Variants in USP34 observed in about 807,000 individuals in gnomAD.
The protein encoded by USP34 is ubiquitin specific peptidase 34, also known as ubiquitin carboxyl-terminal hydrolase 34.
In USP34, 70 loss-of-function variants were observed where a neutral mutation model predicts 460.3. The ratio of observed to expected loss-of-function variants is 0.15; its 90% confidence interval spans 0.13 to 0.19. The LOEUF (loss-of-function observed/expected upper bound fraction) is 0.19, where lower values mean the gene tolerates loss of function less well. Among genes scored for constraint, USP34 ranks in the 10% least tolerant of loss-of-function variants. USP34 has a pLI of 1.00. For missense variants in USP34, 3,985 were observed against 4,236.2 expected (o/e 0.94, Z 1.65); for synonymous variants, 1,647 against 1,405.3 (o/e 1.17, Z -3.85).
chr2:61,203,054 A>T (rs1687020400), intron 75 of USP34, 86 bp downstream of exon 75: 1 of 1,307,792 alleles, frequency 7.6e-7, no homozygotes, highest in Non-Finnish European at 1.0e-6. Context: ...GAAAAAAAGG[A>T]TTGTCTCATA....
At chr2:61,270,608 G>A (rs1056968495) in intron 41 of USP34, among the ~76,000 whole-genome samples, 10 of 151,996 alleles carry the variant, frequency 6.6e-5, no homozygotes, top group Non-Finnish European at 1.0e-4. Flanking sequence ...GCTAATTTTT[G>A]TATTTTTAGT....
At chr2:61,282,926 C>G (rs914740025) in intron 37 of USP34, among the ~76,000 whole-genome samples, 1 of 152,064 alleles carries the variant, frequency 6.6e-6, no homozygotes, top group Non-Finnish European at 1.5e-5. Flanking sequence ...ATTCTATAAA[C>G]ATTTCAGAAA....
At chr2:61,450,126 A>G (rs1695228997) in intron 1 of USP34, among the ~76,000 whole-genome samples, 1 of 152,080 alleles carries the variant, frequency 6.6e-6, no homozygotes, top group African/African-American at 2.4e-5. Flanking sequence ...AAGTACTGGC[A>G]TATGCTACAA....
At chr2:61,427,989 C>T (rs1694560166) in intron 1 of USP34, among the ~76,000 whole-genome samples, 1 of 151,718 alleles carries the variant, frequency 6.6e-6, no homozygotes, top group South Asian at 2.1e-4. Flanking sequence ...ATGGTGAAAC[C>T]CCGTCTCTAC....
chr2:61,314,587 T>C lies in USP34; in HGVS notation c.3540A>G (p.Arg1180=). 6.7e-7 allele frequency: 1 copy of C among 1,485,708 alleles called. No individual in the cohort carries two copies. Among genetic ancestry groups the C allele is most frequent in the Non-Finnish European group, 8.9e-7 (1 of 1,121,536 alleles). 92.0% of individuals were successfully genotyped at this position (1,485,708 alleles called of 1,614,324 possible). A position where few individuals can be genotyped will look rare whatever the true frequency, so the allele number is the denominator to read the frequency against. The change falls in exon 25 of 80, where the codon AGA becomes AGG. Residue 1180 remains arginine, a splice_region_variant and synonymous_variant. Transcript: ENST00000398571. ...MLKTHLEAFR[R]RFAYHLRQWQ... is the part of the protein sequence containing the mutation. The stretch of plus-strand genomic sequence containing the variant: ...CAGTGTGATATTTTAAAAATTACCT[T>C]CTCCTAAACGCTTCCAGATGTGTCT...
intron 3 of USP34, among the ~76,000 whole-genome samples, chr2:61,397,682 T>C (rs1454464366): frequency 6.6e-6 from 1 of 151,090 alleles, no homozygotes; most frequent in African/African-American, 2.4e-5. Context: ...GGGCGGATCA[T>C]GATGTCAGGA....
chr2:61,388,817 G>A (rs554534860), intron 5 of USP34, among the ~76,000 whole-genome samples: 1 of 151,380 alleles, frequency 6.6e-6, no homozygotes, highest in Non-Finnish European at 1.5e-5. Flanking sequence ...ACCCTGATAA[G>A]ACATTTACTT....
chr2:61,368,526 T>C (rs758058420), intron 10 of USP34, among the ~76,000 whole-genome samples: 71 of 151,988 alleles, frequency 4.7e-4, no homozygotes, highest in Admixed American at 1.8e-3. Flanking sequence ...ATCCCTGGTA[T>C]AGATCATAAT....
At chr2:61,389,970 TCTC>T (rs552049899) in intron 5 of USP34, among the ~76,000 whole-genome samples, 248 of 152,258 alleles carry the variant, frequency 1.6e-3, no homozygotes, top group African/African-American at 5.7e-3. Flanking sequence ...AATTTCCTAT[TCTC>T]CTATCTAGTA....
At chr2:61,271,348 A>G (rs529102046) in intron 41 of USP34, among the ~76,000 whole-genome samples, 1 of 152,286 alleles carries the variant, frequency 6.6e-6, no homozygotes, top group African/African-American at 2.4e-5. Context: ...TAAATCTCTG[A>G]TGATATCTCT....
intron 75 of USP34, among the ~76,000 whole-genome samples, chr2:61,197,332 A>G (rs1211387951): frequency 2.0e-5 from 3 of 152,090 alleles, no homozygotes; most frequent in African/African-American, 7.2e-5. Context: ...CATTATATTA[A>G]ATTTTCTCAT....
chr2:61,379,093 TC>T (rs1247297671), intron 7 of USP34, among the ~76,000 whole-genome samples: 2 of 152,038 alleles, frequency 1.3e-5, no homozygotes, highest in Non-Finnish European at 2.9e-5. Flanking sequence ...CCCAGATAAA[TC>T]CACTCAAGAT....
intron 10 of USP34, among the ~76,000 whole-genome samples, chr2:61,354,866 A>G (rs543828627): frequency 5.1e-4 from 77 of 152,192 alleles, no homozygotes; most frequent in African/African-American, 1.8e-3. Context: ...GAATGCTTCA[A>G]TGCTCACCTC....
chr2:61,218,093 C>T (rs919869764), intron 67 of USP34, among the ~76,000 whole-genome samples: 1 of 151,620 alleles, frequency 6.6e-6, no homozygotes, highest in African/African-American at 2.4e-5. Context: ...ACAAGAATGC[C>T]ATTTCCTCAG....
chr2:61,310,971 AT>A (rs2103670744), intron 27 of USP34, among the ~76,000 whole-genome samples: 1 of 152,258 alleles, frequency 6.6e-6, no homozygotes, highest in South Asian at 2.1e-4. Flanking sequence ...TTTTTTGCAA[AT>A]AGCATCTGAA....
At chr2:61,323,028 A>G (rs1421530969) in intron 21 of USP34, among the ~76,000 whole-genome samples, 1 of 152,204 alleles carries the variant, frequency 6.6e-6, no homozygotes, top group Non-Finnish European at 1.5e-5. Context: ...TATTGGATGT[A>G]ATTACATATA....
chr2:61,275,931 A>G (rs1461026988), intron 41 of USP34, among the ~76,000 whole-genome samples: 13 of 152,210 alleles, frequency 8.5e-5, no homozygotes. Context: ...AAATAGTAAT[A>G]ATAAAGAGAA....
At chr2:61,285,623 T>C (rs1056804139) in intron 34 of USP34, among the ~76,000 whole-genome samples, 5 of 152,156 alleles carry the variant, frequency 3.3e-5, no homozygotes, top group Admixed American at 2.0e-4. Flanking sequence ...GAAAGAAATA[T>C]ATACATGTCA....
chr2:61,465,746 G>A (rs79473171), intron 1 of USP34, among the ~76,000 whole-genome samples: 1 of 152,020 alleles, frequency 6.6e-6, no homozygotes, highest in South Asian at 2.1e-4. Context: ...GGGAGGCCGA[G>A]GCAGGTGGAT....
Sources: gnomAD v4.1 joint callset for allele counts (sites outside exome capture counted in the v4.1 genomes callset) on GRCh38, gnomAD v4.1.1 for gene constraint, MANE v1.5 for transcripts, NCBI Gene and HGNC (gene_info 2026-07-23, HGNC 2026-07-21) for gene names.